Variants in TECPR2 observed in about 807,000 individuals in gnomAD.
TECPR2 encodes tectonin beta-propeller repeat-containing protein 2.
Under a neutral mutation model 138.1 loss-of-function variants are expected in TECPR2, and 65 were observed. The ratio of observed to expected loss-of-function variants is 0.47; its 90% CI spans 0.39 to 0.58. The LOEUF (loss-of-function observed/expected upper bound fraction) is 0.58, where lower values mean the gene tolerates loss of function less well. Ranked by LOEUF, TECPR2 falls within the 20% of genes least tolerant of loss-of-function variation. The probability of loss-of-function intolerance (pLI) is 0.00; values close to 1 mark genes in which losing one functional copy is unlikely to be tolerated. For missense variants in TECPR2, 1,553 were observed against 1,824.5 expected (o/e 0.85, Z 2.71); for synonymous variants, 746 against 749.8 (o/e 0.99, Z 0.08).
chr14:102,382,959 C>T (rs1161557477), intron 2 of TECPR2, among the ~76,000 whole-genome samples: 1 of 151,980 alleles, frequency 6.6e-6, no homozygotes, highest in African/African-American at 2.4e-5. Context: ...GGTTTCACCA[C>T]GTTGGCCAGG....
intron 17 of TECPR2, among the ~76,000 whole-genome samples, chr14:102,470,412 A>G (rs1313075431): frequency 6.6e-6 from 1 of 150,740 alleles, no homozygotes; most frequent in Non-Finnish European, 1.5e-5. Flanking sequence ...GGTTCTTGCA[A>G]TTCTCCTGCC....
intron 2 of TECPR2, among the ~76,000 whole-genome samples, chr14:102,397,224 G>C (rs999672177): frequency 1.3e-5 from 2 of 151,962 alleles, no homozygotes; most frequent in East Asian, 3.9e-4. Flanking sequence ...TCCACACACA[G>C]AATAACAAAA....
At position 102,484,855 on chromosome 14, in the gene TECPR2, G is replaced by A. The variant is rs913864734; in HGVS notation, c.3790-12124G>A. Among the ~76,000 whole-genome samples the A allele has an allele frequency of 8.5e-5, 13 of 152,192 alleles. No individual in the cohort carries two copies. In the East Asian group the frequency reaches 1.5e-3, roughly 18 times the overall value. On this transcript the variant is annotated intron_variant, in intron 17 of 19. Coordinates refer to ENST00000359520, the MANE Select transcript of TECPR2 (RefSeq NM_014844.5). ...GTATTTTTGGTAGAGACAGGGTTTC[G>A]CCATGTTAGTCAGGCTGGTCTCGAA...
At chr14:102,453,277 A>G (rs372865868) in intron 16 of TECPR2, among the ~76,000 whole-genome samples, 25 of 152,266 alleles carry the variant, frequency 1.6e-4, no homozygotes, top group African/African-American at 4.8e-4. Flanking sequence ...AGAGTTCGAG[A>G]CCAGCCTGGC....
intron 17 of TECPR2, among the ~76,000 whole-genome samples, chr14:102,489,442 C>G (rs570624543): frequency 6.6e-6 from 1 of 151,904 alleles, no homozygotes; most frequent in South Asian, 2.1e-4. Flanking sequence ...AATGGTGAAA[C>G]CCTGTCTCTA....
rs911978469 is a variant in TECPR2 at position 102,500,163 on chromosome 14, T to C, written c.*1906T>C. 7.9e-5 allele frequency: 12 copies of C among 152,630 alleles called. No individual in the cohort carries two copies. The highest frequency in any genetic ancestry group is 2.7e-4 in the African/African-American group (11 of 41,450). The allele number at this position is 152,630 out of a possible 1,614,324, so 9.5% of individuals were successfully genotyped here. ...TGTGCTTTGAGTCAGTGCAATAAAC[T>C]AGACTTTTTCCAAACCTGGCCGAGT... On this transcript the variant is annotated 3_prime_UTR_variant, in exon 20 of 20. Coordinates refer to ENST00000359520, the MANE Select transcript of TECPR2 (RefSeq NM_014844.5).
intron 17 of TECPR2, among the ~76,000 whole-genome samples, chr14:102,487,288 C>A (rs1043731102): frequency 1.3e-5 from 2 of 152,194 alleles, no homozygotes; most frequent in African/African-American, 4.8e-5. Context: ...CTGAAACATT[C>A]CTGCTGAATT....
In TECPR2 at chr14:102,438,120, C is replaced by G. The variant is rs773249606; in HGVS notation, c.2493C>G (p.Gly831=). 55 of 1,613,890 alleles carry G rather than the reference C, an allele frequency of 3.4e-5. No individual in the cohort carries two copies. Among genetic ancestry groups the G allele is most frequent in the Non-Finnish European group, 4.6e-5 (54 of 1,179,990 alleles). Reference sequence around the variant, plus strand: ...TCTGGTGCCTGGACTACAAAGGCGGCCTGTTCTGCAGCGCGTTGCCGGGCG... The same window carrying G: ...TCTGGTGCCTGGACTACAAAGGCGGGCTGTTCTGCAGCGCGTTGCCGGGCG... The part of the protein sequence containing the change: ...KYIWCLDYKG[G]LFCSALPGAG... The change falls in exon 10 of 20, where the codon GGC becomes GGG. Residue 831 remains glycine, a synonymous_variant. Coordinates refer to ENST00000359520, the MANE Select transcript of TECPR2 (RefSeq NM_014844.5).
rs532859247 is a variant in TECPR2, at chr14:102,502,171, A to G, written c.*3914A>G. 6.6e-6 allele frequency: 1 copy of G among 152,316 alleles called. No individual in the cohort carries two copies. The highest frequency in any genetic ancestry group is 1.5e-5 in the Non-Finnish European group (1 of 68,044). 9.4% of individuals were successfully genotyped at this position (152,316 alleles called of 1,614,324 possible). On this transcript the variant is annotated 3_prime_UTR_variant, in exon 20 of 20. Transcript: ENST00000359520. ...GCAGGACCTCACCGCGCCAGCGTGA[A>G]GTTCCCGGGCATGGTCATGAAAGCG...
At chr14:102,468,893 C>A (rs781781840) in intron 17 of TECPR2, among the ~76,000 whole-genome samples, 5 of 152,170 alleles carry the variant, frequency 3.3e-5, no homozygotes, top group Admixed American at 1.3e-4. Flanking sequence ...TATTTCAACA[C>A]CCTTGTCAAA....
intron 2 of TECPR2, among the ~76,000 whole-genome samples, chr14:102,388,744 C>T (rs1211804331): frequency 1.3e-5 from 2 of 151,802 alleles, no homozygotes; most frequent in Non-Finnish European, 2.9e-5. Context: ...GGGCGGATCA[C>T]GAGATCAGGA....
intron 5 of TECPR2, among the ~76,000 whole-genome samples, chr14:102,418,205 T>C (rs963413697): frequency 6.6e-6 from 1 of 152,136 alleles, no homozygotes; most frequent in Non-Finnish European, 1.5e-5. Context: ...CACCCTGACA[T>C]TGGATGAATC....
intron 17 of TECPR2, among the ~76,000 whole-genome samples, chr14:102,476,232 CA>C (rs1345787605): frequency 1.3e-5 from 1 of 76,298 alleles, no homozygotes; most frequent in Admixed American, 1.3e-4. Context: ...AAAAAAAAAA[CA>C]ATATCAAAAA....
intron 1 of TECPR2, among the ~76,000 whole-genome samples, chr14:102,374,071 C>CA (rs953998203): frequency 0.048 from 2,688 of 55,486 alleles, 71 homozygotes; most frequent in East Asian, 0.12. Context: ...GATTCTGTCT[C>CA]AAAAAAAAAA....
chr14:102,489,710 A>AAG (rs1210259999), intron 17 of TECPR2, among the ~76,000 whole-genome samples: 3 of 151,478 alleles, frequency 2.0e-5, no homozygotes, highest in Admixed American at 2.0e-4. Context: ...TGTCAAAAAA[A>AAG]AAAAAAAAAG....
rs1357716076 is a variant in TECPR2 at position 102,419,668 on chromosome 14, G to A, written c.638+4875G>A. ...GAAGACGAGGGGTCCTCTTCCCGTC[G>A]AGTCCGTGAACCTCTTCAGACCGGA... is the stretch of plus-strand genomic sequence containing the variant. On this transcript the variant is annotated intron_variant, in intron 5 of 19. Transcript: ENST00000359520. The surrounding 1 kb of genome is among the most constrained non-coding windows in gnomAD (Gnocchi z 4.8). 6.6e-6 allele frequency among the ~76,000 whole-genome samples: 1 copy of A among 152,158 alleles called. No homozygotes were observed. Among genetic ancestry groups the A allele is most frequent in the Non-Finnish European group, 1.5e-5 (1 of 68,018 alleles).
intron 2 of TECPR2, among the ~76,000 whole-genome samples, chr14:102,379,501 A>G (rs950313642): frequency 4.8e-5 from 7 of 146,132 alleles, no homozygotes; most frequent in East Asian, 2.1e-4. Flanking sequence ...AAAGATCACC[A>G]TCTTAAAATC....
chr14:102,401,371 A>T (rs1888471848), intron 2 of TECPR2, among the ~76,000 whole-genome samples: 1 of 150,050 alleles, frequency 6.7e-6, no homozygotes, highest in South Asian at 2.1e-4. Context: ...CCTGGGTGAC[A>T]GAGGTTGTAG....
intron 7 of TECPR2, among the ~76,000 whole-genome samples, chr14:102,431,324 CTTTTAG>C (rs1041194782): frequency 2.1e-5 from 3 of 141,698 alleles, no homozygotes; most frequent in Non-Finnish European, 3.1e-5. Flanking sequence ...TTGTATGATT[CTTTTAG>C]TTTTGGTGGA....
Sources: gnomAD v4.1 joint callset for allele counts (sites outside exome capture counted in the v4.1 genomes callset) on GRCh38, gnomAD v4.1.1 for gene constraint, Gnocchi (gnomAD v3.1) non-coding constraint, MANE v1.5 for transcripts, NCBI Gene and HGNC (gene_info 2026-07-23, HGNC 2026-07-21) for gene names.